CGGBP1: variants seen among roughly 807,000 people sequenced by gnomAD.
The protein encoded by CGGBP1 is CGG triplet repeat-binding protein 1.
Under a neutral mutation model 11.4 loss-of-function variants are expected in CGGBP1, and 4 were observed. The observed-to-expected ratio is 0.35, with a 90% CI of 0.17 to 0.80. CGGBP1 has a LOEUF of 0.80. Ranked by LOEUF, CGGBP1 falls within the 30% of genes least tolerant of loss-of-function variation. CGGBP1 has a pLI of 0.52. For missense variants in CGGBP1, 135 were observed against 202.1 expected (o/e 0.67, Z 2.01); for synonymous variants, 76 against 74.1 (o/e 1.03, Z -0.13).
rs1707900561 is a variant in CGGBP1 at position 88,077,930 on chromosome 3, A to G, written c.-228-19707T>C. Among the ~76,000 whole-genome samples, 3 of 152,142 alleles carry G rather than the reference A, an allele frequency of 2.0e-5. No individual in the cohort carries two copies. The South Asian group carries it at 6.2e-4, about 31-fold the overall frequency. On this transcript the variant is annotated intron_variant, in intron 2 of 3. Transcript: ENST00000462901. ...GAGTCACCAAAGCCCCTTGTTTTGT[A>G]TATATGTTGAATTTTAGGTGACTAT...
At chr3:88,140,500 A>C in intron 2 of CGGBP1, 1 of 1,613,818 alleles carries the variant, frequency 6.2e-7, no homozygotes, top group Non-Finnish European at 8.5e-7. Flanking sequence ...AATGGAAACG[A>C]ACGTTCTGAT....
intron 2 of CGGBP1, among the ~76,000 whole-genome samples, chr3:88,114,558 T>C (rs1705275415): frequency 6.6e-6 from 1 of 152,186 alleles, no homozygotes; most frequent in Admixed American, 6.6e-5. Context: ...TGGCTGATTC[T>C]AATTTCCATA....
chr3:88,148,884 G>A (rs934366033), intron 1 of CGGBP1, among the ~76,000 whole-genome samples: 1 of 152,028 alleles, frequency 6.6e-6, no homozygotes, highest in Non-Finnish European at 1.5e-5. Context: ...CTTGTGATCT[G>A]CCCGCCTCAG....
In CGGBP1 at chr3:88,053,124, A is replaced by G. The variant is rs1706464334; in HGVS notation, c.*2349T>C. Reference sequence around the variant, plus strand: ...AAACTTCTGTACACACGTTCACTACACCTCCAAAGCAGCATATGCCTCTTA... The same window carrying G: ...AAACTTCTGTACACACGTTCACTACGCCTCCAAAGCAGCATATGCCTCTTA... On this transcript the variant is annotated 3_prime_UTR_variant, in exon 4 of 4. Coordinates refer to ENST00000482016, the MANE Select transcript of CGGBP1 (RefSeq NM_001008390.2). 6.6e-6 allele frequency: 1 copy of G among 152,422 alleles called. No individual in the cohort carries two copies. The highest frequency in any genetic ancestry group is 6.5e-5 in the Admixed American group (1 of 15,272). 9.4% of individuals were successfully genotyped at this position (152,422 alleles called of 1,614,324 possible).
chr3:88,087,664 A>C (rs1708407635), intron 2 of CGGBP1, among the ~76,000 whole-genome samples: 1 of 152,218 alleles, frequency 6.6e-6, no homozygotes, highest in East Asian at 1.9e-4. Context: ...CTCACACCAC[A>C]ACAGTGGCTT....
At chr3:88,072,556 G>T (rs1370779388) in intron 2 of CGGBP1, among the ~76,000 whole-genome samples, 1 of 152,054 alleles carries the variant, frequency 6.6e-6, no homozygotes, top group East Asian at 1.9e-4. Context: ...TGTTTCATTT[G>T]GATATTATAT....
intron 2 of CGGBP1, among the ~76,000 whole-genome samples, chr3:88,076,033 A>G (rs1490828495): frequency 1.3e-5 from 2 of 152,334 alleles, no homozygotes; most frequent in East Asian, 1.9e-4. Context: ...TTATGGCACA[A>G]TGCCATACTG....
chr3:88,097,955 T>G (rs1323816946), intron 2 of CGGBP1, among the ~76,000 whole-genome samples: 2 of 152,036 alleles, frequency 1.3e-5, no homozygotes, highest in Non-Finnish European at 2.9e-5. Context: ...ATTCAAAAGC[T>G]AGCAGAAGAC....
In CGGBP1 at chr3:88,055,286, G is replaced by T. The variant is rs1706515803; in HGVS notation, c.*187C>A. On this transcript the variant is annotated 3_prime_UTR_variant, in exon 4 of 4. Coordinates refer to ENST00000482016, the MANE Select transcript of CGGBP1 (RefSeq NM_001008390.2). The surrounding 1 kb of genome is among the most constrained non-coding windows in gnomAD (Gnocchi z 4.2). Reference sequence around the variant, plus strand: ...ACCTAGGTTTTGCTTTATACCATTGGTGACTAAAATTAACAATAAGTTTTG... The same window carrying T: ...ACCTAGGTTTTGCTTTATACCATTGTTGACTAAAATTAACAATAAGTTTTG... The T allele has an allele frequency of 2.1e-6, 1 of 486,300 alleles. No individual in the cohort carries two copies. Among genetic ancestry groups the T allele is most frequent in the Non-Finnish European group, 3.5e-6 (1 of 287,916 alleles). The allele number at this position is 486,300 out of a possible 1,614,324, so 30.1% of individuals were successfully genotyped here.
In CGGBP1 at chr3:88,055,436, C is replaced by T. The variant is rs1706519077; in HGVS notation, c.*37G>A. On this transcript the variant is annotated 3_prime_UTR_variant, in exon 4 of 4. Coordinates refer to ENST00000482016, the MANE Select transcript of CGGBP1 (RefSeq NM_001008390.2). The surrounding 1 kb of genome is among the most constrained non-coding windows in gnomAD (Gnocchi z 4.2). Reference sequence around the variant, plus strand: ...CAATCAACACATAACTTTAATACTCCACATTTATCTTGATCACAATGGTGG... The same window carrying T: ...CAATCAACACATAACTTTAATACTCTACATTTATCTTGATCACAATGGTGG... 2.0e-6 allele frequency: 3 copies of T among 1,476,232 alleles called. No individual in the cohort carries two copies. The highest frequency in any genetic ancestry group is 2.7e-6 in the Non-Finnish European group (3 of 1,105,054). The allele number at this position is 1,476,232 out of a possible 1,614,324, so 91.4% of individuals were successfully genotyped here.
intron 2 of CGGBP1, among the ~76,000 whole-genome samples, chr3:88,105,032 C>G (rs1214765819): frequency 6.6e-6 from 1 of 152,088 alleles, no homozygotes; most frequent in South Asian, 2.1e-4. Context: ...CCCAGCTACT[C>G]GGGAGACTGA....
chr3:88,097,458 A>C (rs977414994), intron 2 of CGGBP1, among the ~76,000 whole-genome samples: 18 of 152,082 alleles, frequency 1.2e-4, no homozygotes, highest in African/African-American at 2.4e-5. Context: ...CTGGGACTTG[A>C]ACTCAGCTCT....
intron 2 of CGGBP1, among the ~76,000 whole-genome samples, chr3:88,113,711 G>A (rs1249378445): frequency 1.3e-5 from 2 of 152,062 alleles, no homozygotes; most frequent in Non-Finnish European, 2.9e-5. Context: ...ACTACTTACT[G>A]GGAAGCAACC....
rs568015960 is a variant in CGGBP1 at position 88,078,144 on chromosome 3, G to T, written c.-228-19921C>A. On this transcript the variant is annotated intron_variant, in intron 2 of 3. Coordinates refer to the CGGBP1 transcript ENST00000462901. ...ATTTCTTTGTTAAACTAGTTAGTAGGGTTTTGATATATATTCTTTCCTCTT... is the reference window on the plus strand; with the variant it reads ...ATTTCTTTGTTAAACTAGTTAGTAGTGTTTTGATATATATTCTTTCCTCTT... 2.0e-5 allele frequency among the ~76,000 whole-genome samples: 3 copies of T among 152,012 alleles called. No homozygotes were observed. In the East Asian group the frequency reaches 5.8e-4, roughly 29 times the overall value.
intron 2 of CGGBP1, among the ~76,000 whole-genome samples, chr3:88,076,608 C>A (rs1707816651): frequency 6.6e-6 from 1 of 151,982 alleles, no homozygotes; most frequent in East Asian, 1.9e-4. Context: ...AAATTTAGTT[C>A]TTGAAACCGA....
rs1397714607 is a variant in CGGBP1, at chr3:88,052,831, T to C, written c.*2642A>G. ...ATGATTACAATGTCCTTCAGGCTTG[T>C]TATACACCCCCACAGAATCAAGAAG... is the stretch of plus-strand genomic sequence containing the variant. On this transcript the variant is annotated 3_prime_UTR_variant, in exon 4 of 4. Coordinates refer to ENST00000482016, the MANE Select transcript of CGGBP1 (RefSeq NM_001008390.2). 6.6e-6 allele frequency: 1 copy of C among 152,622 alleles called. No homozygotes were observed. The highest frequency in any genetic ancestry group is 6.5e-5 in the Admixed American group (1 of 15,276). The allele number at this position is 152,622 out of a possible 1,614,324, so 9.5% of individuals were successfully genotyped here.
chr3:88,126,590 T>A (rs1416702768), intron 2 of CGGBP1, among the ~76,000 whole-genome samples: 2 of 150,040 alleles, frequency 1.3e-5, no homozygotes, highest in Non-Finnish European at 3.0e-5. Context: ...TTTTTTTTTT[T>A]TTTTTTTTTT....
intron 1 of CGGBP1, among the ~76,000 whole-genome samples, chr3:88,147,567 A>T (rs1707333089): frequency 6.6e-6 from 1 of 152,246 alleles, no homozygotes; most frequent in African/African-American, 2.4e-5. Flanking sequence ...ACACTATCCA[A>T]GACAGTAGTC....
At chr3:88,124,296 G>T (rs1044180253) in intron 2 of CGGBP1, among the ~76,000 whole-genome samples, 1 of 152,154 alleles carries the variant, frequency 6.6e-6, no homozygotes, top group Non-Finnish European at 1.5e-5. Context: ...GAGCAGAGAG[G>T]TTAAGTAACT....
Sources: allele counts gnomAD v4.1 joint callset (sites outside exome capture counted in the v4.1 genomes callset), GRCh38; gene constraint gnomAD v4.1.1; non-coding constraint Gnocchi (gnomAD v3.1); transcripts MANE v1.5; gene names NCBI Gene and HGNC (gene_info 2026-07-23, HGNC 2026-07-21).